SLAIN1: variants seen among roughly 807,000 people sequenced by gnomAD.
SLAIN1 encodes SLAIN family member 1, also known as SLAIN motif-containing protein 1.
In SLAIN1, 17 loss-of-function variants were observed where a neutral mutation model predicts 55.4. The ratio of observed to expected loss-of-function variants is 0.31; its 90% CI spans 0.21 to 0.46. The LOEUF is 0.46. Ranked by LOEUF, SLAIN1 falls within the 20% of genes least tolerant of loss-of-function variation. The pLI is 1.00. For missense variants in SLAIN1, 682 were observed against 785.1 expected, an observed-to-expected ratio of 0.87 and a Z score of 1.57; for synonymous variants, 348 against 337.4, an observed-to-expected ratio of 1.03 and a Z score of -0.35.
At chr13:77,719,005 A>G (rs1250760200) in intron 1 of SLAIN1, among the ~76,000 whole-genome samples, 2 of 152,166 alleles carry the variant, frequency 1.3e-5, no homozygotes, top group African/African-American at 2.4e-5. Context: ...CAAGGTTAGT[A>G]TAGATTTGAG....
intron 2 of SLAIN1, among the ~76,000 whole-genome samples, chr13:77,721,986 A>G (rs1457720507): frequency 7.1e-6 from 1 of 140,740 alleles, no homozygotes; most frequent in Non-Finnish European, 1.5e-5. Flanking sequence ...ACATTTACAT[A>G]TAAGGTTAGG....
intron 2 of SLAIN1, among the ~76,000 whole-genome samples, chr13:77,737,137 C>A (rs112651606): frequency 6.6e-6 from 1 of 151,926 alleles, no homozygotes; most frequent in Non-Finnish European, 1.5e-5. Context: ...TCTCCATGTG[C>A]GATGGCATCA....
intron 2 of SLAIN1, among the ~76,000 whole-genome samples, chr13:77,739,319 G>C (rs1873292950): frequency 6.6e-6 from 1 of 151,998 alleles, no homozygotes. Context: ...GTGGTAGAAT[G>C]GTTTGAGATA....
chr13:77,714,317 T>C (rs908174638), intron 1 of SLAIN1, among the ~76,000 whole-genome samples: 1 of 152,100 alleles, frequency 6.6e-6, no homozygotes, highest in African/African-American at 2.4e-5. Flanking sequence ...TTTCTCATCT[T>C]AAGAACACTG....
intron 2 of SLAIN1, chr13:77,742,677 A>G (rs117219463): frequency 0.012 from 1,887 of 152,328 alleles, 18 homozygotes; most frequent in Non-Finnish European, 0.017. Context: ...ATCCTTTTTT[A>G]TATTGCAAAA....
rs529594535 is a variant in SLAIN1 at position 77,697,846 on chromosome 13, C to T, written c.-68C>T. ...GCGACAGGGAAGGAGCCGTAGCCTCCCCGTGGCCCGAGGAGCCGGCGCGGC... is the reference window on the plus strand; with the variant it reads ...GCGACAGGGAAGGAGCCGTAGCCTCTCCGTGGCCCGAGGAGCCGGCGCGGC... On this transcript the variant is annotated 5_prime_UTR_variant, in exon 1 of 7. Coordinates refer to ENST00000418532, the MANE Select transcript of SLAIN1 (RefSeq NM_001242868.2). 36 of 1,251,104 alleles carry T rather than the reference C, an allele frequency of 2.9e-5. No homozygotes were observed. The South Asian group carries it at 7.4e-4, about 26-fold the overall frequency. 77.5% of individuals were successfully genotyped at this position (1,251,104 alleles called of 1,614,324 possible). A position where few individuals can be genotyped will look rare whatever the true frequency, so the allele number is the denominator to read the frequency against.
intron 5 of SLAIN1, 129 bp from the exon 6 acceptor site, chr13:77,760,699 A>G (rs1874945491): frequency 1.1e-6 from 1 of 929,242 alleles, no homozygotes; most frequent in Non-Finnish European, 1.6e-6. Flanking sequence ...TCTGGAACCT[A>G]TATTCTGTTT....
At chr13:77,703,373 A>G (rs1419453330) in intron 1 of SLAIN1, among the ~76,000 whole-genome samples, 2 of 152,172 alleles carry the variant, frequency 1.3e-5, no homozygotes, top group Non-Finnish European at 2.9e-5. Context: ...TACATATGGC[A>G]CAACTAAATT....
At chr13:77,735,922 T>C (rs1478091599) in intron 2 of SLAIN1, among the ~76,000 whole-genome samples, 3 of 152,128 alleles carry the variant, frequency 2.0e-5, no homozygotes, top group Non-Finnish European at 2.9e-5. Context: ...GTTTTTTTTT[T>C]CCTCTTAATT....
At chr13:77,733,516 A>G (rs150436283) in intron 2 of SLAIN1, among the ~76,000 whole-genome samples, 99 of 152,272 alleles carry the variant, frequency 6.5e-4, no homozygotes, top group African/African-American at 2.3e-3. Context: ...CATAGTTTGA[A>G]TGAATGGGAA....
At chr13:77,744,629 A>C in intron 3 of SLAIN1, 197 bp downstream of exon 3, 1 of 723,002 alleles carries the variant, frequency 1.4e-6, no homozygotes, top group South Asian at 1.8e-5. Flanking sequence ...TGATGAAAAC[A>C]CATTGATACA....
At chr13:77,742,083 G>A (rs1252313170) in intron 2 of SLAIN1, among the ~76,000 whole-genome samples, 1 of 151,592 alleles carries the variant, frequency 6.6e-6, no homozygotes, top group African/African-American at 2.4e-5. Flanking sequence ...TTATGATTTG[G>A]GATTTGTGTG....
At chr13:77,733,111 C>G (rs966925420) in intron 2 of SLAIN1, among the ~76,000 whole-genome samples, 1 of 152,102 alleles carries the variant, frequency 6.6e-6, no homozygotes, top group African/African-American at 2.4e-5. Context: ...AATTATAAAA[C>G]TCTGATTTCC....
At chr13:77,738,791 A>G (rs1219056354) in intron 2 of SLAIN1, among the ~76,000 whole-genome samples, 2 of 152,096 alleles carry the variant, frequency 1.3e-5, no homozygotes, top group Non-Finnish European at 2.9e-5. Context: ...TCCTCACCTA[A>G]CTGAAACCAA....
intron 1 of SLAIN1, among the ~76,000 whole-genome samples, chr13:77,718,392 GA>G (rs2091228895): frequency 6.6e-6 from 1 of 152,132 alleles, no homozygotes; most frequent in African/African-American, 2.4e-5. Flanking sequence ...TGGCAGGGCT[GA>G]GTAGTTGTGA....
At position 77,697,988 on chromosome 13, in the gene SLAIN1, G is replaced by A; in HGVS notation, c.75G>A (p.Ala25=). The A allele has an allele frequency of 2.1e-6, 3 of 1,443,594 alleles. No individual in the cohort carries two copies. The highest frequency in any genetic ancestry group is 1.8e-6 in the Non-Finnish European group (2 of 1,088,850). 89.4% of individuals were successfully genotyped at this position (1,443,594 alleles called of 1,614,324 possible). A position where few individuals can be genotyped will look rare whatever the true frequency, so the allele number is the denominator to read the frequency against. ...SGAGSGPVVN[A]ELEVKKLQEL... is the part of the protein sequence containing the mutation. ...CGGGCTCCGGGCCGGTGGTGAACGC[G>A]GAGCTGGAGGTGAAGAAGCTGCAGG... The change falls in exon 1 of 7, where the codon GCG becomes GCA. Residue 25 remains alanine, a synonymous_variant. Coordinates refer to ENST00000418532, the MANE Select transcript of SLAIN1 (RefSeq NM_001242868.2).
intron 2 of SLAIN1, among the ~76,000 whole-genome samples, chr13:77,737,251 A>T (rs1873167754): frequency 6.6e-6 from 1 of 151,836 alleles, no homozygotes; most frequent in Non-Finnish European, 1.5e-5. Flanking sequence ...TGGCTCATTG[A>T]ACCTATTCTC....
chr13:77,741,700 T>G (rs535604714), intron 2 of SLAIN1: 1 of 150,710 alleles, frequency 6.6e-6, no homozygotes, highest in African/African-American at 2.4e-5. Context: ...ATCTGAAGAA[T>G]CCCAGTTTGG....
In SLAIN1 at chr13:77,764,021, A is replaced by G. The variant is rs1230488745; in HGVS notation, c.*801A>G. On this transcript the variant is annotated 3_prime_UTR_variant, in exon 7 of 7. Coordinates refer to ENST00000418532, the MANE Select transcript of SLAIN1 (RefSeq NM_001242868.2). ...GCTACTGTACCACAATTGATTTTCA[A>G]TACTTTATTACGAAGGATGAAACTG... 1 of 152,634 alleles carries G rather than the reference A, an allele frequency of 6.6e-6. No homozygotes were observed. Among genetic ancestry groups the G allele is most frequent in the African/African-American group, 2.4e-5 (1 of 41,462 alleles). The allele number at this position is 152,634 out of a possible 1,614,324, so 9.5% of individuals were successfully genotyped here.
Sources: gnomAD v4.1 joint callset for allele counts (sites outside exome capture counted in the v4.1 genomes callset) on GRCh38, gnomAD v4.1.1 for gene constraint, MANE v1.5 for transcripts, NCBI Gene and HGNC (gene_info 2026-07-23, HGNC 2026-07-21) for gene names.